Variants in B4GALT6 observed in about 807,000 individuals in gnomAD.
B4GALT6 encodes UDP-Gal:beta-GlcNAc beta-1,4-galactosyltransferase 6.
A neutral mutation model predicts 46.3 loss-of-function variants in B4GALT6; 14 were observed. That is an observed-to-expected ratio of 0.30 (90% confidence interval 0.20 to 0.47). B4GALT6 has a LOEUF of 0.47. Ranked by LOEUF, B4GALT6 falls within the 20% of genes least tolerant of loss-of-function variation. The pLI is 0.99. For missense variants in B4GALT6, 386 were observed against 480.1 expected (o/e 0.80, Z 1.83); for synonymous variants, 168 against 162.0 (o/e 1.04, Z -0.28).
chr18:31,629,447 A>ATTTTTTTTTTTTT lies in B4GALT6; in HGVS notation c.776+1499_776+1511dup, dbSNP rs869030382. The stretch of plus-strand genomic sequence containing the variant: ...ATTCTTAGTTTATATGCCCTTTATG[A>ATTTTTTTTTTTTT]TTTTTTTTTTTTTTTTTTTTTTTTT... On this transcript the variant is annotated intron_variant, in intron 6 of 8. Transcript: ENST00000306851. Among the ~76,000 whole-genome samples, 13 of 32,882 alleles carry ATTTTTTTTTTTTT rather than the reference A, an allele frequency of 4.0e-4. 2 individuals are homozygous for ATTTTTTTTTTTTT. The highest frequency in any genetic ancestry group is 2.7e-3 in the South Asian group (2 of 754). The allele number at this position is 32,882 out of a possible 152,430, so 21.6% of individuals were successfully genotyped here.
At chr18:31,706,388 T>C in the B4GALT6 span, among the ~76,000 whole-genome samples, 1 of 152,184 alleles carries the variant, frequency 6.6e-6, no homozygotes, top group Non-Finnish European at 1.5e-5. Context: ...CCCAGCACTT[T>C]GGGAGGCCGA....
At chr18:31,691,966 A>G in the B4GALT6 span, among the ~76,000 whole-genome samples, 2 of 152,204 alleles carry the variant, frequency 1.3e-5, no homozygotes, top group Non-Finnish European at 2.9e-5. Flanking sequence ...TAATAATACC[A>G]ATTTGCCATG....
intron 3 of B4GALT6, among the ~76,000 whole-genome samples, chr18:31,649,540 T>A: frequency 5.5e-5 from 5 of 90,424 alleles, no homozygotes; most frequent in East Asian, 3.1e-4. Context: ...TTTAAACAAT[T>A]CAACAAGCAA....
chr18:31,652,632 C>T (rs2074086013), intron 3 of B4GALT6, among the ~76,000 whole-genome samples: 1 of 152,186 alleles, frequency 6.6e-6, no homozygotes, highest in Admixed American at 6.5e-5. Context: ...CAAACGGAAC[C>T]CACTAACTTC....
chr18:31,709,460 G>GATA, the B4GALT6 span, among the ~76,000 whole-genome samples: 1 of 123,492 alleles, frequency 8.1e-6, no homozygotes, highest in African/African-American at 3.6e-5. Context: ...TATATATATG[G>GATA]TATATTCTCT....
At chr18:31,693,751 T>G in the B4GALT6 span, among the ~76,000 whole-genome samples, 1 of 152,138 alleles carries the variant, frequency 6.6e-6, no homozygotes, top group East Asian at 1.9e-4. Context: ...GAGGATTGCT[T>G]GAGCCCAGGA....
At chr18:31,675,812 G>A (rs747874815) in intron 1 of B4GALT6, among the ~76,000 whole-genome samples, 1 of 152,162 alleles carries the variant, frequency 6.6e-6, no homozygotes, top group Non-Finnish European at 1.5e-5. Context: ...GAAAATTAGT[G>A]ATGTCAGAGT....
chr18:31,628,394 G>A (rs539468955), intron 6 of B4GALT6, among the ~76,000 whole-genome samples: 2 of 152,310 alleles, frequency 1.3e-5, no homozygotes, highest in African/African-American at 2.4e-5. Flanking sequence ...GTCAGATAGG[G>A]AAACATGAAT....
chr18:31,651,045 C>T (rs756871613), intron 3 of B4GALT6, among the ~76,000 whole-genome samples: 39 of 152,218 alleles, frequency 2.6e-4, no homozygotes, highest in South Asian at 1.7e-3. Flanking sequence ...GGATTACAGG[C>T]GTGAGCCACC....
rs185110581 is a variant in B4GALT6, at chr18:31,653,649, G to A, written c.346+4327C>T. ...TTTTGGTAGAGACAGGTTTCACCAT[G>A]TTGGCCAGGCTGGTCTTGAACTCCT... On this transcript the variant is annotated intron_variant, in intron 3 of 8. Coordinates refer to ENST00000306851, the MANE Select transcript of B4GALT6 (RefSeq NM_004775.5). Among the ~76,000 whole-genome samples, 62 of 151,932 alleles carry A rather than the reference G, an allele frequency of 4.1e-4. 1 individual carries two copies. The East Asian group carries it at 0.01, about 26-fold the overall frequency.
chr18:31,651,467 T>C (rs2074066572), intron 3 of B4GALT6, among the ~76,000 whole-genome samples: 2 of 152,148 alleles, frequency 1.3e-5, no homozygotes, highest in South Asian at 4.1e-4. Flanking sequence ...ACTTCACTTT[T>C]CATTCCCTAT....
intron 2 of B4GALT6, among the ~76,000 whole-genome samples, chr18:31,664,473 T>C (rs376791479): frequency 8.1e-4 from 124 of 152,264 alleles, no homozygotes; most frequent in African/African-American, 2.8e-3. Flanking sequence ...TAAGTATGCA[T>C]TGGTTCTTTG....
rs776238645 is a variant in B4GALT6, at chr18:31,680,580, G to A, written c.115+3732C>T. On this transcript the variant is annotated intron_variant, in intron 1 of 8. Coordinates refer to ENST00000306851, the MANE Select transcript of B4GALT6 (RefSeq NM_004775.5). ...CTCTACCCAGAGAGCAAAACAGCCC[G>A]TCAGTGTGTCTAGGAAAGGTCAGGG... 6.6e-5 allele frequency among the ~76,000 whole-genome samples: 10 copies of A among 152,270 alleles called. 1 individual carries two copies. In the Middle Eastern group the frequency reaches 0.014, roughly 207 times the overall value.
chr18:31,634,016 G>C, intron 5 of B4GALT6, among the ~76,000 whole-genome samples: 1 of 152,196 alleles, frequency 6.6e-6, no homozygotes, highest in East Asian at 1.9e-4. Flanking sequence ...TTCTTTTGGA[G>C]ACCTTCAAAT....
the B4GALT6 span, among the ~76,000 whole-genome samples, chr18:31,719,665 CA>C: frequency 2.0e-5 from 3 of 152,240 alleles, no homozygotes; most frequent in East Asian, 5.8e-4. Context: ...TCTCCCTGAG[CA>C]TTCTGGGATT....
the B4GALT6 span, among the ~76,000 whole-genome samples, chr18:31,715,537 C>CTTTTTTTTTTTTTT: frequency 1.4e-4 from 7 of 49,628 alleles, no homozygotes; most frequent in Admixed American, 1.1e-3. Context: ...CTGGAACTGT[C>CTTTTTTTTTTTTTT]TTTTTTTTTT....
chr18:31,635,190 C>T (rs1450283212), intron 5 of B4GALT6, among the ~76,000 whole-genome samples: 1 of 151,774 alleles, frequency 6.6e-6, no homozygotes, highest in Non-Finnish European at 1.5e-5. Flanking sequence ...GAGATCACGC[C>T]ACTGCACTCC....
intron 1 of B4GALT6, among the ~76,000 whole-genome samples, chr18:31,674,800 T>C (rs2074397042): frequency 6.6e-6 from 1 of 152,168 alleles, no homozygotes; most frequent in Non-Finnish European, 1.5e-5. Context: ...AAGGAAGGTA[T>C]TACTTGGATT....
chr18:31,714,917 C>A, the B4GALT6 span, among the ~76,000 whole-genome samples: 1 of 152,196 alleles, frequency 6.6e-6, no homozygotes, highest in Non-Finnish European at 1.5e-5. Context: ...ATGAGGATCA[C>A]CTCCATAGGC....
Sources: allele counts gnomAD v4.1 joint callset (sites outside exome capture counted in the v4.1 genomes callset), GRCh38; gene constraint gnomAD v4.1.1; transcripts MANE v1.5; gene names NCBI Gene and HGNC (gene_info 2026-07-23, HGNC 2026-07-21).